OTUD7A: variants seen among roughly 807,000 people sequenced by gnomAD.
OTUD7A encodes the protein OTU deubiquitinase 7A.
A neutral mutation model predicts 65.7 loss-of-function variants in OTUD7A; 12 were observed. That is an observed-to-expected ratio of 0.18 (90% CI 0.12 to 0.30). The LOEUF is 0.30. OTUD7A is among the 10% of genes least tolerant of loss of function. OTUD7A has a pLI of 1.00. For missense variants in OTUD7A, 1,148 were observed against 1,304.8 expected (o/e 0.88, Z 1.85); for synonymous variants, 641 against 586.3 (o/e 1.09, Z -1.35).
At chr15:31,743,992 A>C (rs998688508) in intron 1 of OTUD7A, among the ~76,000 whole-genome samples, 4 of 152,220 alleles carry the variant, frequency 2.6e-5, no homozygotes, top group Non-Finnish European at 5.9e-5. Flanking sequence ...AAATATGTTC[A>C]TAAATTAGAC....
At chr15:31,548,618 T>C (rs758473836) in intron 5 of OTUD7A, among the ~76,000 whole-genome samples, 1 of 152,080 alleles carries the variant, frequency 6.6e-6, no homozygotes, top group Non-Finnish European at 1.5e-5. Flanking sequence ...ATGCAGCCGA[T>C]GTGAGATCTG....
intron 1 of OTUD7A, among the ~76,000 whole-genome samples, chr15:31,736,273 C>T (rs1001789407): frequency 1.3e-5 from 2 of 152,224 alleles, no homozygotes; most frequent in South Asian, 2.1e-4. Flanking sequence ...TGTAGTTGCA[C>T]TAGCAATGGG....
At chr15:31,512,948 T>C (rs982115316) in intron 8 of OTUD7A, among the ~76,000 whole-genome samples, 2 of 152,256 alleles carry the variant, frequency 1.3e-5, no homozygotes, top group South Asian at 4.1e-4. Context: ...GAGGAAAGTC[T>C]TTAAAGAAGA....
chr15:31,615,638 CTT>C (rs1270204764), intron 3 of OTUD7A, among the ~76,000 whole-genome samples: 2 of 152,194 alleles, frequency 1.3e-5, no homozygotes, highest in Non-Finnish European at 1.5e-5. Context: ...ACAAAATCCA[CTT>C]TTTGTTTCTT....
chr15:31,760,736 T>C (rs1894938458), intron 1 of OTUD7A, among the ~76,000 whole-genome samples: 1 of 152,190 alleles, frequency 6.6e-6, no homozygotes, highest in Admixed American at 6.5e-5. Flanking sequence ...ATTCAAGGGA[T>C]TGAGAATAGC....
intron 3 of OTUD7A, among the ~76,000 whole-genome samples, chr15:31,595,938 C>T (rs1889891729): frequency 6.6e-6 from 1 of 152,030 alleles, no homozygotes; most frequent in Admixed American, 6.5e-5. Context: ...CTGATGGAGT[C>T]CCCTTTATAC....
At chr15:31,741,306 T>C (rs929365914) in intron 1 of OTUD7A, among the ~76,000 whole-genome samples, 2 of 152,176 alleles carry the variant, frequency 1.3e-5, no homozygotes, top group African/African-American at 2.4e-5. Flanking sequence ...AAAAGTAAGA[T>C]TGGCCACAAC....
At chr15:31,524,212 C>T (rs1249533786) in intron 8 of OTUD7A, among the ~76,000 whole-genome samples, 2 of 151,958 alleles carry the variant, frequency 1.3e-5, no homozygotes, top group Admixed American at 6.5e-5. Context: ...CCTCCTGCAT[C>T]ACTGGCACAG....
chr15:31,584,340 A>G (rs917457639), intron 3 of OTUD7A, among the ~76,000 whole-genome samples: 1 of 152,224 alleles, frequency 6.6e-6, no homozygotes, highest in Non-Finnish European at 1.5e-5. Context: ...TGATCACAAG[A>G]CTGGGGCTTT....
At chr15:31,557,484 C>G (rs1487299320) in intron 5 of OTUD7A, 1 of 152,278 alleles carries the variant, frequency 6.6e-6, no homozygotes, top group Non-Finnish European at 1.5e-5. Flanking sequence ...CTGGTCAGAA[C>G]CTGGATGGTG....
At chr15:31,814,490 A>T (rs1333554911) in intron 1 of OTUD7A, among the ~76,000 whole-genome samples, 1 of 151,878 alleles carries the variant, frequency 6.6e-6, no homozygotes, top group Non-Finnish European at 1.5e-5. Flanking sequence ...GAGCCTTAAC[A>T]TTTAAGAAAA....
chr15:31,682,509 G>T (rs913573706), intron 1 of OTUD7A, among the ~76,000 whole-genome samples: 4 of 152,220 alleles, frequency 2.6e-5, no homozygotes, highest in African/African-American at 9.6e-5. Flanking sequence ...GGCCAAGACA[G>T]TATAGTATTG....
chr15:31,690,494 T>C (rs1892937221), intron 1 of OTUD7A, among the ~76,000 whole-genome samples: 1 of 152,200 alleles, frequency 6.6e-6, no homozygotes, highest in South Asian at 2.1e-4. Context: ...ACATCTTGAT[T>C]TCAAAACATA....
chr15:31,867,434 C>T (rs1897906455), intron 1 of OTUD7A, among the ~76,000 whole-genome samples: 1 of 152,144 alleles, frequency 6.6e-6, no homozygotes. Flanking sequence ...CCCTTCCCTC[C>T]TCCACCAGGC....
intron 1 of OTUD7A, among the ~76,000 whole-genome samples, chr15:31,799,887 C>T (rs1409710234): frequency 3.9e-5 from 6 of 152,038 alleles, no homozygotes; most frequent in Non-Finnish European, 7.4e-5. Context: ...GCTGAAGATA[C>T]GGGGGAAGCA....
intron 1 of OTUD7A, among the ~76,000 whole-genome samples, chr15:31,842,491 A>C (rs1897206983): frequency 6.6e-6 from 1 of 152,210 alleles, no homozygotes; most frequent in African/African-American, 2.4e-5. Flanking sequence ...AGATTTTCAC[A>C]GCCGGAAGTG....
intron 1 of OTUD7A, among the ~76,000 whole-genome samples, chr15:31,736,404 T>C (rs1041993817): frequency 1.3e-5 from 2 of 152,198 alleles, no homozygotes; most frequent in African/African-American, 4.8e-5. Flanking sequence ...TGTTTAATAT[T>C]TTCCATAGTT....
chr15:31,711,076 A>AC (rs976701115), intron 1 of OTUD7A, among the ~76,000 whole-genome samples: 4 of 150,500 alleles, frequency 2.7e-5, no homozygotes, highest in Non-Finnish European at 5.9e-5. Context: ...CTAGGAAAAA[A>AC]AAAACAAAAC....
chr15:31,514,055 TTC>T (rs35366024), intron 8 of OTUD7A, among the ~76,000 whole-genome samples: 38,307 of 85,316 alleles, frequency 0.45, 5,487 homozygotes, highest in East Asian at 0.55. Flanking sequence ...CTTTCTTTCT[TTC>T]TTTTTTTTTT....
Sources: gnomAD v4.1 joint callset for allele counts (sites outside exome capture counted in the v4.1 genomes callset) on GRCh38, gnomAD v4.1.1 for gene constraint, MANE v1.5 for transcripts, NCBI Gene and HGNC (gene_info 2026-07-23, HGNC 2026-07-21) for gene names.